The following MAD1L1 variants were observed in gnomAD, a reference collection of about 807,000 sequenced individuals.
MAD1L1 encodes mitotic spindle assembly checkpoint protein MAD1.
Under a neutral mutation model 96.9 loss-of-function variants are expected in MAD1L1, and 95 were observed. The ratio of observed to expected loss-of-function variants is 0.98; its 90% CI spans 0.83 to 1.16. The LOEUF (loss-of-function observed/expected upper bound fraction) is 1.16. Ranked by LOEUF, MAD1L1 falls within the 50% of genes most tolerant of loss-of-function variation. The probability of loss-of-function intolerance (pLI) is 0.00; values close to 1 mark genes in which losing one functional copy is unlikely to be tolerated. For synonymous variants in MAD1L1, 473 were observed against 396.6 expected (o/e 1.19, Z -2.29); for missense variants, 1,007 against 954.4 (o/e 1.06, Z -0.73).
chr7:2,019,900 G>A (rs527687184), intron 12 of MAD1L1, among the ~76,000 whole-genome samples: 8 of 152,258 alleles, frequency 5.3e-5, no homozygotes, highest in South Asian at 4.1e-4. Context: ...GCCCCTAAAC[G>A]AGGTTTTTTT....
chr7:2,066,820 G>A (rs977062519), intron 12 of MAD1L1, among the ~76,000 whole-genome samples: 4 of 152,340 alleles, frequency 2.6e-5, no homozygotes, highest in South Asian at 2.1e-4. Flanking sequence ...CCAGTGTCGC[G>A]TGGGTCACAG....
At chr7:1,830,504 TA>T (rs1782651292) in intron 18 of MAD1L1, among the ~76,000 whole-genome samples, 1 of 152,254 alleles carries the variant, frequency 6.6e-6, no homozygotes. Flanking sequence ...GGCAGACATA[TA>T]CAACATTTAC....
Position 2,215,884 on chromosome 7 carries a change from C to A in MAD1L1, c.924+1G>T. On this transcript the variant is annotated splice_donor_variant, in intron 9 of 18. Coordinates refer to ENST00000265854, the MANE Select transcript of MAD1L1 (RefSeq NM_001013836.2). LOFTEE classifies it high-confidence loss of function. ...GAACCGCACACCACACAGGCCCTCA[C>A]CTCGTTCTCCAGCTCCAAGCCAACC... The A allele has an allele frequency of 1.2e-6, 2 of 1,614,152 alleles. No homozygotes were observed. Among genetic ancestry groups the A allele is most frequent in the Non-Finnish European group, 1.7e-6 (2 of 1,179,996 alleles).
intron 11 of MAD1L1, among the ~76,000 whole-genome samples, chr7:2,143,257 T>C (rs999007818): frequency 1.3e-5 from 2 of 151,076 alleles, no homozygotes; most frequent in Non-Finnish European, 2.9e-5. Flanking sequence ...CCCAGGAACC[T>C]GGGCCAGTGG....
intron 10 of MAD1L1, among the ~76,000 whole-genome samples, chr7:2,173,611 G>T (rs1470965695): frequency 6.6e-6 from 1 of 152,142 alleles, no homozygotes; most frequent in African/African-American, 2.4e-5. Context: ...TCTTTGGGGA[G>T]ACTTTCTCGG....
At chr7:2,189,072 C>T (rs1287999511) in intron 10 of MAD1L1, among the ~76,000 whole-genome samples, 6 of 152,258 alleles carry the variant, frequency 3.9e-5, no homozygotes, top group East Asian at 3.9e-4. Flanking sequence ...GCACATGGAA[C>T]GGTGCTCCAC....
intron 17 of MAD1L1, among the ~76,000 whole-genome samples, chr7:1,932,668 C>T (rs1382431958): frequency 6.6e-6 from 1 of 152,262 alleles, no homozygotes; most frequent in Non-Finnish European, 1.5e-5. Context: ...AATCTTCATG[C>T]TGCCGCACAC....
chr7:2,217,886 C>A, intron 7 of MAD1L1, 76 bp downstream of exon 7: 6 of 1,273,020 alleles, frequency 4.7e-6, no homozygotes, highest in Non-Finnish European at 4.6e-6. Context: ...GGCACCAGCG[C>A]AGAAAGGCCG....
At chr7:1,920,825 A>T (rs1192822547) in intron 17 of MAD1L1, among the ~76,000 whole-genome samples, 2 of 152,252 alleles carry the variant, frequency 1.3e-5, no homozygotes, top group Non-Finnish European at 1.5e-5. Context: ...CCCCATAACG[A>T]TGCACGAACA....
intron 18 of MAD1L1, among the ~76,000 whole-genome samples, chr7:1,878,642 T>C (rs926618569): frequency 5.3e-5 from 8 of 151,148 alleles, no homozygotes; most frequent in African/African-American, 1.5e-4. Flanking sequence ...GCCTGATAAA[T>C]GGTATCTATG....
intron 11 of MAD1L1, among the ~76,000 whole-genome samples, chr7:2,108,408 T>C (rs556825476): frequency 6.6e-6 from 1 of 152,362 alleles, no homozygotes; most frequent in Non-Finnish European, 1.5e-5. Flanking sequence ...CAAATTATAC[T>C]TTTTTAGTTT....
rs541748778 is a variant in MAD1L1 at position 2,009,725 on chromosome 7, C to A, written c.1359+4777G>T. Among the ~76,000 whole-genome samples, 7 of 152,258 alleles carry A rather than the reference C, an allele frequency of 4.6e-5. No homozygotes were observed. The East Asian group carries it at 1.4e-3, about 30-fold the overall frequency. On this transcript the variant is annotated intron_variant, in intron 13 of 18. Coordinates refer to ENST00000265854, the MANE Select transcript of MAD1L1 (RefSeq NM_001013836.2). ...GATGCAAGGAAGGCTAGGGGGTGGA[C>A]GCCCAGGCCCTGGGGGATGCTCTGA... is the stretch of plus-strand genomic sequence containing the variant.
intron 17 of MAD1L1, among the ~76,000 whole-genome samples, chr7:1,905,996 G>C (rs1787603173): frequency 6.7e-6 from 1 of 148,756 alleles, no homozygotes; most frequent in South Asian, 2.1e-4. Flanking sequence ...GCTGCAGTGA[G>C]CCGAGATTGC....
chr7:2,146,974 T>G lies in MAD1L1; in HGVS notation c.1073+2178A>C, dbSNP rs368450732. On this transcript the variant is annotated intron_variant, in intron 11 of 18. Transcript: ENST00000265854. This position sits in a 1 kb window ranked among gnomAD's most constrained non-coding sequence, Gnocchi z 6.2. ...CTCATTGGCCACTGCCAGCGCTGCC[T>G]GTCCTAGGGTCTGCCTCCTTCCTGG... 1.5e-3 allele frequency among the ~76,000 whole-genome samples: 223 copies of G among 152,270 alleles called. 1 individual carries two copies. The highest frequency in any genetic ancestry group is 5.0e-3 in the African/African-American group (206 of 41,536).
intron 12 of MAD1L1, among the ~76,000 whole-genome samples, chr7:2,044,760 C>T (rs1003177986): frequency 2.0e-5 from 3 of 152,194 alleles, no homozygotes; most frequent in Non-Finnish European, 2.9e-5. Context: ...AGAACTGGAA[C>T]TGGAGTCCCA....
chr7:2,221,478 C>A (rs1030743831), intron 5 of MAD1L1, among the ~76,000 whole-genome samples: 4 of 152,002 alleles, frequency 2.6e-5, no homozygotes, highest in African/African-American at 9.7e-5. Flanking sequence ...CCCTCCAGGA[C>A]CCCCGCTGCA....
At chr7:1,961,681 G>A (rs1158479939) in intron 15 of MAD1L1, among the ~76,000 whole-genome samples, 6 of 152,242 alleles carry the variant, frequency 3.9e-5, no homozygotes. Flanking sequence ...GATAGGGTTT[G>A]GCTGTGTCCC....
intron 14 of MAD1L1, among the ~76,000 whole-genome samples, chr7:1,994,806 C>T (rs1781488493): frequency 6.6e-6 from 1 of 152,214 alleles, no homozygotes; most frequent in African/African-American, 2.4e-5. Flanking sequence ...TTCCAGCCTG[C>T]AGAACCGTGA....
At chr7:2,089,640 A>G (rs1235948015) in intron 11 of MAD1L1, among the ~76,000 whole-genome samples, 1 of 151,646 alleles carries the variant, frequency 6.6e-6, no homozygotes, top group Non-Finnish European at 1.5e-5. Flanking sequence ...GTTTAATCAC[A>G]CTTCCAATAC....
Sources: gnomAD v4.1 joint callset for allele counts (sites outside exome capture counted in the v4.1 genomes callset) on GRCh38, gnomAD v4.1.1 for gene constraint, Gnocchi (gnomAD v3.1) non-coding constraint, MANE v1.5 for transcripts, NCBI Gene and HGNC (gene_info 2026-07-23, HGNC 2026-07-21) for gene names.